The following PRDM11 variants were observed in gnomAD, a reference collection of about 807,000 sequenced individuals.
PRDM11 encodes the protein PR/SET domain 11.
PRDM11 carries 20 observed loss-of-function variants against 97.8 expected under a neutral mutation model. That is an observed-to-expected ratio of 0.20 (90% CI 0.14 to 0.30). The LOEUF is 0.30. Among genes scored for constraint, PRDM11 ranks in the 10% least tolerant of loss-of-function variants. PRDM11 has a pLI of 1.00. For synonymous variants in PRDM11, 599 were observed against 637.7 expected, an observed-to-expected ratio of 0.94 and a Z score of 0.91; for missense variants, 1,139 against 1,555.2, an observed-to-expected ratio of 0.73 and a Z score of 4.50.
chr11:45,106,764 A>T (rs893835825), intron 1 of PRDM11, among the ~76,000 whole-genome samples: 3 of 152,142 alleles, frequency 2.0e-5, no homozygotes, highest in Admixed American at 1.3e-4. Context: ...GGGTTCTAAG[A>T]GTGGATGTCG....
In PRDM11 at chr11:45,177,530, G is replaced by C. The variant is rs150022859; in HGVS notation, c.-6-4231G>C. 5.3e-3 allele frequency among the ~76,000 whole-genome samples: 806 copies of C among 152,230 alleles called. 8 individuals are homozygous for C. The highest frequency in any genetic ancestry group is 0.018 in the African/African-American group (752 of 41,544). ...CCCCAGTGGAAGTTCATTTGGTCCT[G>C]CCACATCCCATCTTCTCCCTCCCTG... On this transcript the variant is annotated intron_variant, in intron 1 of 7. Transcript: ENST00000683152.
intron 6 of PRDM11, among the ~76,000 whole-genome samples, chr11:45,223,704 A>G (rs912392081): frequency 6.6e-6 from 1 of 152,168 alleles, no homozygotes. Flanking sequence ...CTTTGCCTTA[A>G]GTAGGCTGTC....
chr11:45,100,030 T>C (rs544024173), intron 1 of PRDM11, among the ~76,000 whole-genome samples: 1 of 152,348 alleles, frequency 6.6e-6, no homozygotes, highest in East Asian at 1.9e-4. Context: ...TGCTAGCTAA[T>C]GTCGGGAAAC....
At chr11:45,218,676 G>A (rs571445000) in intron 5 of PRDM11, among the ~76,000 whole-genome samples, 3 of 152,304 alleles carry the variant, frequency 2.0e-5, no homozygotes, top group Non-Finnish European at 2.9e-5. Context: ...TTCACTCCTC[G>A]GCAGGTGTTC....
chr11:45,100,555 C>T (rs1851955514), intron 1 of PRDM11, among the ~76,000 whole-genome samples: 2 of 152,218 alleles, frequency 1.3e-5, no homozygotes, highest in African/African-American at 4.8e-5. Context: ...TGGTGCTCAT[C>T]ATCATCTGCT....
intron 1 of PRDM11, among the ~76,000 whole-genome samples, chr11:45,153,920 G>T (rs1378963749): frequency 1.3e-5 from 2 of 152,172 alleles, no homozygotes; most frequent in Admixed American, 6.5e-5. Flanking sequence ...GCTCAGAGAG[G>T]TTACATGACC....
chr11:45,220,116 T>C (rs1229387441), intron 6 of PRDM11, among the ~76,000 whole-genome samples: 5 of 152,196 alleles, frequency 3.3e-5, no homozygotes, highest in African/African-American at 1.2e-4. Flanking sequence ...ATGATCGTAA[T>C]AATAGGTAAC....
At chr11:45,196,582 G>A (rs1414816031) in intron 4 of PRDM11, among the ~76,000 whole-genome samples, 1 of 152,158 alleles carries the variant, frequency 6.6e-6, no homozygotes, top group African/African-American at 2.4e-5. Context: ...CTAAGAGATG[G>A]GATTGAGGCC....
Position 45,227,867 on chromosome 11 carries a change from T to C in PRDM11, c.3242T>C (p.Leu1081Pro). ...AAGATCATCCAGGTTCTTAAAGTCC[T>C]CCCCACTTCCACCGCTTGCTGCGAG... ...LNKIIQVLKV[L>P]PTSTACCEKG... Residue 1081 changes from leucine (L) to proline (P), a missense_variant, in exon 8 of 8, where the codon CTC becomes CCC. Coordinates refer to ENST00000683152, the MANE Select transcript of PRDM11 (RefSeq NM_001384648.1). The surrounding 1 kb of genome is among the most constrained non-coding windows in gnomAD (Gnocchi z 8.0). 2.0e-6 allele frequency: 3 copies of C among 1,533,860 alleles called. No individual in the cohort carries two copies. The highest frequency in any genetic ancestry group is 2.6e-6 in the Non-Finnish European group (3 of 1,146,718).
chr11:45,161,896 T>C (rs923356556), intron 1 of PRDM11, among the ~76,000 whole-genome samples: 1 of 152,220 alleles, frequency 6.6e-6, no homozygotes, highest in African/African-American at 2.4e-5. Flanking sequence ...CAGGAGGTCA[T>C]GCGACTCTCC....
At chr11:45,184,443 G>A (rs550689586) in intron 4 of PRDM11, among the ~76,000 whole-genome samples, 6 of 152,340 alleles carry the variant, frequency 3.9e-5, no homozygotes, top group Admixed American at 6.5e-5. Context: ...CAGGTAGAGC[G>A]TGTGGGAGTT....
intron 1 of PRDM11, among the ~76,000 whole-genome samples, chr11:45,123,903 G>T (rs1407252133): frequency 1.4e-5 from 2 of 146,782 alleles, no homozygotes; most frequent in African/African-American, 2.5e-5. Context: ...TAGCTTGATG[G>T]GGATGGCATT....
chr11:45,208,428 A>G (rs912559615), intron 5 of PRDM11, among the ~76,000 whole-genome samples: 2 of 152,218 alleles, frequency 1.3e-5, no homozygotes, highest in African/African-American at 4.8e-5. Flanking sequence ...ATCGCTTTAT[A>G]GAGGCAATGG....
In PRDM11 at chr11:45,196,891, C is replaced by T. The variant is rs113753555; in HGVS notation, c.487-7820C>T. On this transcript the variant is annotated intron_variant, in intron 4 of 7. Transcript: ENST00000683152. ...TCTTTGGGCTGCTCACCTATTCTCT[C>T]GGAGCTCCAGTGGTTTTATCCATAA... Among the ~76,000 whole-genome samples, 881 of 152,274 alleles carry T rather than the reference C, an allele frequency of 5.8e-3. 8 individuals are homozygous for T. Among genetic ancestry groups the T allele is most frequent in the African/African-American group, 0.02 (833 of 41,532 alleles).
intron 4 of PRDM11, among the ~76,000 whole-genome samples, chr11:45,190,577 C>CT (rs879524677): frequency 1.9e-3 from 267 of 143,594 alleles, no homozygotes; most frequent in African/African-American, 4.4e-3. Flanking sequence ...GGTGAGCAAA[C>CT]TTTTTTTTTT....
chr11:45,221,281 G>T (rs1854113954), intron 6 of PRDM11, among the ~76,000 whole-genome samples: 1 of 152,164 alleles, frequency 6.6e-6, no homozygotes, highest in Admixed American at 6.5e-5. Flanking sequence ...ACTTGGCAAG[G>T]TGTGCTTCCA....
At chr11:45,129,051 G>A (rs1217589289) in intron 1 of PRDM11, among the ~76,000 whole-genome samples, 1 of 152,086 alleles carries the variant, frequency 6.6e-6, no homozygotes, top group Admixed American at 6.6e-5. Flanking sequence ...CAGAATAAAG[G>A]AGAAAAAGCA....
At chr11:45,182,175 C>T in intron 2 of PRDM11, 71 bp from the exon 3 acceptor site, 1 of 1,394,070 alleles carries the variant, frequency 7.2e-7, no homozygotes, top group South Asian at 1.2e-5. Flanking sequence ...AGGTCCCCAG[C>T]TTTTGTCCCC....
At chr11:45,101,567 A>AGAAGAAGAAGAAGAAGAAGAAG (rs1554963214) in intron 1 of PRDM11, among the ~76,000 whole-genome samples, 6 of 96,834 alleles carry the variant, frequency 6.2e-5, no homozygotes, top group African/African-American at 2.9e-4. Context: ...AAAAAAAAAA[A>AGAAGAAGAAGAAGAAGAAGAAG]AAGAAGAAGA....
Sources: gnomAD v4.1 joint callset for allele counts (sites outside exome capture counted in the v4.1 genomes callset) on GRCh38, gnomAD v4.1.1 for gene constraint, Gnocchi (gnomAD v3.1) non-coding constraint, MANE v1.5 for transcripts, NCBI Gene and HGNC (gene_info 2026-07-23, HGNC 2026-07-21) for gene names.